Variants in SLCO6A1 observed in about 807,000 individuals in gnomAD.
SLCO6A1 encodes cancer/testis antigen 48.
SLCO6A1 carries 65 observed loss-of-function variants against 72.7 expected under a neutral mutation model. The observed-to-expected ratio is 0.89, with a 90% CI of 0.73 to 1.10. The LOEUF is 1.10. Among genes scored for constraint, SLCO6A1 ranks in the 50% least tolerant of loss-of-function variants. The pLI, the probability that SLCO6A1 is intolerant of heterozygous loss-of-function variation, is 0.00. For synonymous variants in SLCO6A1, 314 were observed against 298.2 expected, an observed-to-expected ratio of 1.05 and a Z score of -0.55; for missense variants, 874 against 872.6, an observed-to-expected ratio of 1.00 and a Z score of -0.02.
chr5:102,485,360 C>G (rs1752403318), intron 1 of SLCO6A1, among the ~76,000 whole-genome samples: 1 of 152,008 alleles, frequency 6.6e-6, no homozygotes, highest in Admixed American at 6.6e-5. Context: ...AAGCTCTAAG[C>G]CCTTGGAATA....
At chr5:102,457,549 T>G (rs1162551381) in intron 6 of SLCO6A1, among the ~76,000 whole-genome samples, 1 of 152,128 alleles carries the variant, frequency 6.6e-6, no homozygotes, top group African/African-American at 2.4e-5. Flanking sequence ...AAACCACAGT[T>G]AGATACCATC....
At chr5:102,437,913 A>T (rs764685174) in intron 7 of SLCO6A1, among the ~76,000 whole-genome samples, 6 of 152,152 alleles carry the variant, frequency 3.9e-5, no homozygotes, top group Non-Finnish European at 8.8e-5. Context: ...ATTAATGCTA[A>T]AACTTTAAAA....
At chr5:102,393,758 A>G (rs970130845) in intron 10 of SLCO6A1, among the ~76,000 whole-genome samples, 3 of 152,094 alleles carry the variant, frequency 2.0e-5, no homozygotes, top group African/African-American at 7.2e-5. Context: ...TTGAATCCAC[A>G]GTGACTACCA....
At chr5:102,445,435 G>C (rs1750055951) in intron 6 of SLCO6A1, among the ~76,000 whole-genome samples, 1 of 152,054 alleles carries the variant, frequency 6.6e-6, no homozygotes, top group African/African-American at 2.4e-5. Flanking sequence ...GGGGTTGTTT[G>C]GGGTTGTTTT....
intron 4 of SLCO6A1, among the ~76,000 whole-genome samples, chr5:102,472,186 A>G (rs1440217981): frequency 2.6e-5 from 4 of 152,098 alleles, no homozygotes; most frequent in Admixed American, 2.6e-4. Flanking sequence ...GATGAAGAGT[A>G]AATTTAGAGA....
chr5:102,453,280 G>A (rs1318290883), intron 6 of SLCO6A1, among the ~76,000 whole-genome samples: 2 of 151,334 alleles, frequency 1.3e-5, no homozygotes, highest in Admixed American at 6.6e-5. Flanking sequence ...TGAGGCTGCA[G>A]TGAGCCATGA....
chr5:102,415,487 G>C (rs1446623593), intron 8 of SLCO6A1, among the ~76,000 whole-genome samples: 1 of 152,052 alleles, frequency 6.6e-6, no homozygotes, highest in Non-Finnish European at 1.5e-5. Flanking sequence ...ATATGATGCT[G>C]GGAAAATTGG....
chr5:102,468,921 T>C (rs888353258), intron 4 of SLCO6A1, among the ~76,000 whole-genome samples: 3 of 152,210 alleles, frequency 2.0e-5, no homozygotes, highest in Non-Finnish European at 4.4e-5. Flanking sequence ...TAGGGAATCC[T>C]TTCCCCGTTG....
chr5:102,491,726 T>C (rs1381733152), intron 1 of SLCO6A1, among the ~76,000 whole-genome samples: 1 of 152,086 alleles, frequency 6.6e-6, no homozygotes, highest in Admixed American at 6.5e-5. Context: ...CCCGTGCCTC[T>C]CCCTCCACAC....
rs1004928708 is a variant in SLCO6A1 at position 102,477,858 on chromosome 5, A to G, written c.620T>C (p.Ile207Thr). 24 of 1,593,146 alleles carry G rather than the reference A, an allele frequency of 1.5e-5. No individual in the cohort carries two copies. Among genetic ancestry groups the G allele is most frequent in the Non-Finnish European group, 1.8e-5 (21 of 1,168,478 alleles). The change falls in exon 3 of 14, where the codon ATT (isoleucine) becomes ACT (threonine). Residue 207 changes from isoleucine (I) to threonine (T), a missense_variant. By Grantham distance (89) the Ile-to-Thr change is moderately conservative. Coordinates refer to ENST00000506729, the MANE Select transcript of SLCO6A1 (RefSeq NM_173488.5). ...ACTGACAACCTTTATTTCTTCGCAA[A>G]TATCTTTTGAAAATACAATGATTAT... ...NKQSKVGIED[I>T]CEEIKVVSGC...
At chr5:102,452,119 A>G (rs1171125441) in intron 6 of SLCO6A1, among the ~76,000 whole-genome samples, 2 of 152,206 alleles carry the variant, frequency 1.3e-5, no homozygotes, top group Non-Finnish European at 2.9e-5. Context: ...GTTTAATATC[A>G]TAATATTCAT....
chr5:102,477,574 A>G (rs1751967270), intron 3 of SLCO6A1, 102 bp downstream of exon 3: 1 of 870,902 alleles, frequency 1.1e-6, no homozygotes, highest in Admixed American at 2.4e-5. Context: ...TTACAATGTT[A>G]TCATAAGGGC....
chr5:102,455,876 A>C (rs1242119742), intron 6 of SLCO6A1, among the ~76,000 whole-genome samples: 1 of 152,224 alleles, frequency 6.6e-6, no homozygotes, highest in African/African-American at 2.4e-5. Flanking sequence ...GGTGAACCGA[A>C]TCCATTAGCA....
In SLCO6A1 at chr5:102,473,019, G is replaced by T. The variant is rs185440415; in HGVS notation, c.899+2678C>A. On this transcript the variant is annotated intron_variant, in intron 4 of 13. Coordinates refer to ENST00000506729, the MANE Select transcript of SLCO6A1 (RefSeq NM_173488.5). Reference sequence around the variant, plus strand: ...CCCAACAGAGGAAAGCCTAGGGCCAGATAGCTTCACTGGAGAACCGTACCA... The same window carrying T: ...CCCAACAGAGGAAAGCCTAGGGCCATATAGCTTCACTGGAGAACCGTACCA... 5.0e-3 allele frequency among the ~76,000 whole-genome samples: 757 copies of T among 152,108 alleles called. 11 individuals are homozygous for T. The highest frequency in any genetic ancestry group is 0.018 in the African/African-American group (732 of 41,526).
At chr5:102,481,026 C>T (rs2112832646) in intron 1 of SLCO6A1, among the ~76,000 whole-genome samples, 1 of 152,146 alleles carries the variant, frequency 6.6e-6, no homozygotes, top group East Asian at 1.9e-4. Context: ...CACTCAACAT[C>T]CAACTAGGAA....
chr5:102,459,617 T>C, intron 5 of SLCO6A1, 39 bp downstream of exon 5: 1 of 1,546,210 alleles, frequency 6.5e-7, no homozygotes, highest in Non-Finnish European at 8.7e-7. Context: ...TGGAAGAAAC[T>C]ACTATCCTCC....
intron 6 of SLCO6A1, among the ~76,000 whole-genome samples, chr5:102,449,686 T>G (rs1257870354): frequency 2.6e-5 from 4 of 152,130 alleles, no homozygotes; most frequent in Non-Finnish European, 5.9e-5. Flanking sequence ...GTCCTGATTT[T>G]TGTATTGACC....
At chr5:102,375,604 T>C (rs62369303) in intron 12 of SLCO6A1, among the ~76,000 whole-genome samples, 41,786 of 151,980 alleles carry the variant, frequency 0.27, 5,753 homozygotes, top group African/African-American at 0.31. Context: ...AATCAACAGG[T>C]GGAAACTTTA....
chr5:102,432,405 C>T (rs536152290), intron 7 of SLCO6A1, among the ~76,000 whole-genome samples: 191 of 152,222 alleles, frequency 1.3e-3, no homozygotes, highest in African/African-American at 4.4e-3. Context: ...GTGCTTCTTT[C>T]AGGAGCTCTT....
Sources: allele counts gnomAD v4.1 joint callset (sites outside exome capture counted in the v4.1 genomes callset), GRCh38; gene constraint gnomAD v4.1.1; transcripts MANE v1.5; gene names NCBI Gene and HGNC (gene_info 2026-07-23, HGNC 2026-07-21).